Variants in IGF1R observed in about 807,000 individuals in gnomAD.
The protein encoded by IGF1R is insulin like growth factor 1 receptor.
In IGF1R, 44 loss-of-function variants were observed where a neutral mutation model predicts 144.6. That is an observed-to-expected ratio of 0.30 (90% CI 0.24 to 0.39). The LOEUF is 0.39. Among genes scored for constraint, IGF1R ranks in the 10% least tolerant of loss-of-function variants. The pLI is 1.00. For missense variants in IGF1R, 1,355 were observed against 1,833.7 expected (o/e 0.74, Z 4.77); for synonymous variants, 795 against 722.8 (o/e 1.10, Z -1.60).
At chr15:98,696,599 C>A (rs1011109565) in intron 1 of IGF1R, among the ~76,000 whole-genome samples, 1 of 152,232 alleles carries the variant, frequency 6.6e-6, no homozygotes, top group Non-Finnish European at 1.5e-5. Flanking sequence ...CCCAGGGCTT[C>A]ACTTTGTAGC....
intron 1 of IGF1R, among the ~76,000 whole-genome samples, chr15:98,653,180 A>G (rs555392590): frequency 6.6e-6 from 1 of 152,142 alleles, no homozygotes; most frequent in Non-Finnish European, 1.5e-5. Context: ...ATGTAGCTTC[A>G]GTTAGGGATT....
At position 98,948,707 on chromosome 15, in the gene IGF1R, C is replaced by T. The variant is rs545230938; in HGVS notation, c.3721C>T (p.Leu1241=). The change falls in exon 20 of 21, where the codon CTG becomes TTG. Residue 1241 remains leucine, a splice_region_variant and synonymous_variant. Coordinates refer to ENST00000650285, the MANE Select transcript of IGF1R (RefSeq NM_000875.5). ...LDKPDNCPDM[L]FELMRMCWQY... is the part of the protein sequence containing the mutation. ...CAAGCCAGACAACTGTCCTGACATG[C>T]TGTACGTACTTCCTGGGCCCTCCGT... 57 of 1,614,114 alleles carry T rather than the reference C, an allele frequency of 3.5e-5. No individual in the cohort carries two copies. In the South Asian group the frequency reaches 5.6e-4, roughly 16 times the overall value.
At chr15:98,767,313 C>T (rs147825340) in intron 2 of IGF1R, among the ~76,000 whole-genome samples, 1 of 152,250 alleles carries the variant, frequency 6.6e-6, no homozygotes, top group East Asian at 1.9e-4. Flanking sequence ...CTTTTCCAGG[C>T]AGGCTCTCAT....
In IGF1R at chr15:98,704,318, T is replaced by C. The variant is rs1481124630; in HGVS notation, c.95-3244T>C. 6.6e-6 allele frequency among the ~76,000 whole-genome samples: 1 copy of C among 152,110 alleles called. No homozygotes were observed. Among genetic ancestry groups the C allele is most frequent in the African/African-American group, 2.4e-5 (1 of 41,400 alleles). ...AAGCTAAGGTGTTTAGGCAGAGCTCTGAGGAGGTGACGTTTGAGTGGAGAC... is the reference window on the plus strand; with the variant it reads ...AAGCTAAGGTGTTTAGGCAGAGCTCCGAGGAGGTGACGTTTGAGTGGAGAC... On this transcript the variant is annotated intron_variant, in intron 1 of 20. Transcript: ENST00000650285. The surrounding 1 kb of genome is among the most constrained non-coding windows in gnomAD (Gnocchi z 4.9).
At chr15:98,882,481 C>A (rs1161797039) in intron 2 of IGF1R, among the ~76,000 whole-genome samples, 1 of 152,206 alleles carries the variant, frequency 6.6e-6, no homozygotes, top group South Asian at 2.1e-4. Context: ...CTGTAAATTT[C>A]TCTTCAGATC....
At chr15:98,719,472 A>G (rs982515598) in intron 2 of IGF1R, among the ~76,000 whole-genome samples, 1 of 152,170 alleles carries the variant, frequency 6.6e-6, no homozygotes, top group Admixed American at 6.5e-5. Flanking sequence ...GGGGGGAAAA[A>G]GATCCTCCTT....
At chr15:98,744,855 TCCTCATTTGATGGATGAGGAC>T (rs1169183211) in intron 2 of IGF1R, among the ~76,000 whole-genome samples, 1 of 152,066 alleles carries the variant, frequency 6.6e-6, no homozygotes, top group Admixed American at 6.5e-5. Context: ...ACTACCATTC[TCCTCATTTGATGGATGAGGAC>T]CCTAAGCCCT....
At chr15:98,917,288 G>T (rs1390035476) in intron 10 of IGF1R, among the ~76,000 whole-genome samples, 1 of 152,214 alleles carries the variant, frequency 6.6e-6, no homozygotes, top group African/African-American at 2.4e-5. Context: ...CCTCACAGAG[G>T]AGGAGTGAAG....
intron 1 of IGF1R, among the ~76,000 whole-genome samples, chr15:98,700,237 C>T (rs2053693754): frequency 6.6e-6 from 1 of 152,110 alleles, no homozygotes; most frequent in Admixed American, 6.5e-5. Context: ...ATGGGAGGAT[C>T]ATATACTAGG....
rs542187705 is a variant in IGF1R, at chr15:98,821,838, C to T, written c.641-69487C>T. ...GCAGGAATTAGCTGCTGGCCTCAGA[C>T]GTGGAGAGACACACGGGTGTATGTG... is the stretch of plus-strand genomic sequence containing the variant. On this transcript the variant is annotated intron_variant, in intron 2 of 20. Transcript: ENST00000650285. Among the ~76,000 whole-genome samples, 411 of 148,682 alleles carry T rather than the reference C, an allele frequency of 2.8e-3. 2 individuals are homozygous for T. Among genetic ancestry groups the T allele is most frequent in the African/African-American group, 8.4e-3 (349 of 41,322 alleles).
chr15:98,800,332 CAT>C (rs1422107308), intron 2 of IGF1R, among the ~76,000 whole-genome samples: 2 of 152,088 alleles, frequency 1.3e-5, no homozygotes, highest in Non-Finnish European at 2.9e-5. Context: ...TTCCTTATCT[CAT>C]AAGATTTCTA....
At chr15:98,732,566 G>A (rs2054518617) in intron 2 of IGF1R, among the ~76,000 whole-genome samples, 1 of 152,180 alleles carries the variant, frequency 6.6e-6, no homozygotes. Context: ...GAGTGAGCAT[G>A]GGGAAGGGGG....
Position 98,960,479 on chromosome 15 carries a change from C to T in IGF1R, c.*3037C>T, listed in dbSNP as rs1206979290. 1.3e-5 allele frequency: 3 copies of T among 233,152 alleles called. No individual in the cohort carries two copies. The highest frequency in any genetic ancestry group is 4.4e-5 in the African/African-American group (2 of 45,326). 14.4% of individuals were successfully genotyped at this position (233,152 alleles called of 1,614,324 possible). A position where few individuals can be genotyped will look rare whatever the true frequency, so the allele number is the denominator to read the frequency against. The stretch of plus-strand genomic sequence containing the variant: ...AGATGGAATGACCAACACATTTCGT[C>T]CTTAAGAGAGCAGTGGTTCCTCAGG... On this transcript the variant is annotated 3_prime_UTR_variant, in exon 21 of 21. Coordinates refer to ENST00000650285, the MANE Select transcript of IGF1R (RefSeq NM_000875.5).
chr15:98,813,705 A>G lies in IGF1R; in HGVS notation c.641-77620A>G, dbSNP rs370018297. Among the ~76,000 whole-genome samples the G allele has an allele frequency of 4.6e-5, 7 of 152,220 alleles. No homozygotes were observed. The East Asian group carries it at 7.7e-4, about 17-fold the overall frequency. On this transcript the variant is annotated intron_variant, in intron 2 of 20. Transcript: ENST00000650285. ...AAAATACTTTGAGATTGTCACATAC[A>G]GTACCCAGAATAGGTGAGGATGAAG...
At chr15:98,774,614 T>C (rs1415201472) in intron 2 of IGF1R, among the ~76,000 whole-genome samples, 1 of 150,510 alleles carries the variant, frequency 6.6e-6, no homozygotes, top group Non-Finnish European at 1.5e-5. Context: ...AAATACTCTA[T>C]GTGATTTCAT....
chr15:98,923,528 A>G (rs1374872359), intron 11 of IGF1R, among the ~76,000 whole-genome samples: 2 of 152,230 alleles, frequency 1.3e-5, no homozygotes, highest in East Asian at 3.8e-4. Context: ...GGCACAGGGT[A>G]GAAGAAAGTT....
intron 2 of IGF1R, among the ~76,000 whole-genome samples, chr15:98,847,303 G>C (rs974737105): frequency 4.6e-5 from 7 of 152,176 alleles, no homozygotes; most frequent in Non-Finnish European, 7.3e-5. Flanking sequence ...TTACAGGGGG[G>C]CGTCTTGGTA....
intron 2 of IGF1R, among the ~76,000 whole-genome samples, chr15:98,822,301 A>G (rs2056817085): frequency 6.6e-6 from 1 of 152,090 alleles, no homozygotes; most frequent in Non-Finnish European, 1.5e-5. Flanking sequence ...GAGTGTGTAT[A>G]CTCATCTCTT....
chr15:98,921,170 T>C (rs1023792086), intron 10 of IGF1R, among the ~76,000 whole-genome samples: 1 of 152,222 alleles, frequency 6.6e-6, no homozygotes, highest in Admixed American at 6.5e-5. Flanking sequence ...CATTCGTCCA[T>C]GGCTGACCTG....
Sources: allele counts gnomAD v4.1 joint callset (sites outside exome capture counted in the v4.1 genomes callset), GRCh38; gene constraint gnomAD v4.1.1; non-coding constraint Gnocchi (gnomAD v3.1); transcripts MANE v1.5; gene names NCBI Gene and HGNC (gene_info 2026-07-23, HGNC 2026-07-21).